Variants in XPO7 observed in about 807,000 individuals in gnomAD.
The protein encoded by XPO7 is exportin-7.
XPO7 carries 21 observed loss-of-function variants against 144.3 expected under a neutral mutation model. The ratio of observed to expected loss-of-function variants is 0.15; its 90% CI spans 0.10 to 0.21. The LOEUF (loss-of-function observed/expected upper bound fraction) is 0.21. XPO7 is among the 10% of genes least tolerant of loss of function. The pLI is 1.00. For missense variants in XPO7, 808 were observed against 1,325.8 expected (o/e 0.61, Z 6.06); for synonymous variants, 580 against 499.6 (o/e 1.16, Z -2.15).
intron 1 of XPO7, among the ~76,000 whole-genome samples, chr8:21,961,248 C>CTGGAGT (rs1563322599): frequency 6.7e-6 from 1 of 149,358 alleles, no homozygotes; most frequent in African/African-American, 2.5e-5. Context: ...CTCACTCTGT[C>CTGGAGT]ACCCAGGCTG....
intron 1 of XPO7, among the ~76,000 whole-genome samples, chr8:21,953,408 A>T (rs1811435263): frequency 6.6e-6 from 1 of 152,194 alleles, no homozygotes; most frequent in Non-Finnish European, 1.5e-5. Context: ...TAAACTTAGC[A>T]GTATGCATTT....
At chr8:21,945,101 C>T (rs929600651) in intron 1 of XPO7, among the ~76,000 whole-genome samples, 2 of 152,180 alleles carry the variant, frequency 1.3e-5, no homozygotes, top group Admixed American at 6.5e-5. Context: ...CATCATGGCC[C>T]GTTCTCAATG....
At chr8:21,947,869 G>A (rs1352853422) in intron 1 of XPO7, among the ~76,000 whole-genome samples, 1 of 152,148 alleles carries the variant, frequency 6.6e-6, no homozygotes, top group East Asian at 1.9e-4. Context: ...AGCTTCTCAA[G>A]TTGTATGTGC....
chr8:21,952,548 GTTAT>G (rs1811405998), intron 1 of XPO7, among the ~76,000 whole-genome samples: 1 of 152,096 alleles, frequency 6.6e-6, no homozygotes, highest in South Asian at 2.1e-4. Context: ...GTAACAGTAG[GTTAT>G]TTAATATGAG....
At chr8:21,987,306 T>TTC (rs779173229) in intron 14 of XPO7, 30 bp downstream of exon 14, 2 of 1,612,618 alleles carry the variant, frequency 1.2e-6, no homozygotes, top group South Asian at 2.2e-5. Context: ...CTCCCCTTAG[T>TTC]TCTCACTTCT....
At chr8:21,986,721 A>G (rs1812591152) in intron 13 of XPO7, among the ~76,000 whole-genome samples, 1 of 152,236 alleles carries the variant, frequency 6.6e-6, no homozygotes, top group African/African-American at 2.4e-5. Flanking sequence ...GCTTGAGTGT[A>G]GCAACACAAT....
At chr8:21,923,317 CAAGA>C (rs1256732576) in intron 1 of XPO7, among the ~76,000 whole-genome samples, 6 of 152,098 alleles carry the variant, frequency 3.9e-5, no homozygotes, top group African/African-American at 1.4e-4. Context: ...CACGTAGATA[CAAGA>C]AAGAATACAT....
intron 19 of XPO7, 119 bp from the exon 20 acceptor site, chr8:21,994,241 GAGA>G (rs2117389518): frequency 1.6e-6 from 1 of 610,932 alleles, no homozygotes; most frequent in Non-Finnish European, 2.9e-6. Context: ...CCGAATATTT[GAGA>G]AGGAGTATAT....
intron 1 of XPO7, among the ~76,000 whole-genome samples, chr8:21,965,477 G>T (rs1396134836): frequency 1.3e-5 from 2 of 152,188 alleles, no homozygotes; most frequent in African/African-American, 4.8e-5. Context: ...AAGAGATTAA[G>T]TGGGACCCCT....
At chr8:21,991,023 C>A in intron 18 of XPO7, 104 bp downstream of exon 18, 1 of 994,748 alleles carries the variant, frequency 1.0e-6, no homozygotes. Context: ...TCTGTTTTTT[C>A]AACAGTAACA....
At position 21,936,400 on chromosome 8, in the gene XPO7, A is replaced by G. The variant is rs118128291; in HGVS notation, c.18+16612A>G. ...TGCAGTCTTGCCCAGTATCCATGTCACTAGATTTCTGCCCTGTGAAGAATG... is the reference window on the plus strand; with the variant it reads ...TGCAGTCTTGCCCAGTATCCATGTCGCTAGATTTCTGCCCTGTGAAGAATG... On this transcript the variant is annotated intron_variant, in intron 1 of 27. Transcript: ENST00000252512. Among the ~76,000 whole-genome samples the G allele has an allele frequency of 9.0e-4, 137 of 152,286 alleles. 1 individual carries two copies. In the East Asian group the frequency reaches 0.02, roughly 22 times the overall value.
chr8:21,944,671 G>C (rs879184247), intron 1 of XPO7, among the ~76,000 whole-genome samples: 1 of 151,972 alleles, frequency 6.6e-6, no homozygotes, highest in Non-Finnish European at 1.5e-5. Context: ...GATTTGGCAG[G>C]GTTATAGGAC....
chr8:21,984,308 C>G (rs1812505030), intron 11 of XPO7, among the ~76,000 whole-genome samples: 1 of 152,074 alleles, frequency 6.6e-6, no homozygotes, highest in Non-Finnish European at 1.5e-5. Flanking sequence ...CTACAGTTTA[C>G]TATAGTCAAG....
At chr8:21,943,812 A>T (rs972696058) in intron 1 of XPO7, among the ~76,000 whole-genome samples, 6 of 152,224 alleles carry the variant, frequency 3.9e-5, no homozygotes, top group African/African-American at 1.4e-4. Flanking sequence ...CTTATTAAAC[A>T]AAGAGAAAAA....
intron 1 of XPO7, among the ~76,000 whole-genome samples, chr8:21,928,297 G>C (rs141201525): frequency 2.6e-5 from 4 of 152,154 alleles, no homozygotes; most frequent in African/African-American, 7.2e-5. Context: ...CAAGTATTCC[G>C]TTGTATGAAT....
chr8:21,971,993 A>G (rs566344373), intron 5 of XPO7, 52 bp downstream of exon 5: 2 of 1,566,936 alleles, frequency 1.3e-6, no homozygotes, highest in East Asian at 4.5e-5. Context: ...TTTTCTTAGT[A>G]TTGGTGTTTT....
chr8:21,990,792 C>A lies in XPO7; in HGVS notation c.1933-19C>A. 3.1e-6 allele frequency: 5 copies of A among 1,612,378 alleles called. No homozygotes were observed. Among genetic ancestry groups the A allele is most frequent in the Non-Finnish European group, 4.2e-6 (5 of 1,178,746 alleles). On this transcript the variant is annotated intron_variant, in intron 17 of 27. Coordinates refer to ENST00000252512, the MANE Select transcript of XPO7 (RefSeq NM_015024.5). ...TAACTCATGTTTTTACCTTTAACTT[C>A]TTTTCTTTTTTTCAATAGAGCGAGC...
rs1813286458 is a variant in XPO7 at position 22,005,203 on chromosome 8, G to A, written c.*115G>A. The A allele has an allele frequency of 1.2e-6, 1 of 852,824 alleles. No homozygotes were observed. The highest frequency in any genetic ancestry group is 2.6e-5 in the Admixed American group (1 of 38,816). The allele number at this position is 852,824 out of a possible 1,614,324, so 52.8% of individuals were successfully genotyped here. ...CCTGGCTCTTTTCTCCAGGGGTGTG[G>A]GGAAAATGGCAAAGGTCAACTAGCT... is the stretch of plus-strand genomic sequence containing the variant. On this transcript the variant is annotated 3_prime_UTR_variant, in exon 28 of 28. Coordinates refer to ENST00000252512, the MANE Select transcript of XPO7 (RefSeq NM_015024.5).
At chr8:21,958,054 G>A (rs566742019) in intron 1 of XPO7, among the ~76,000 whole-genome samples, 46 of 152,206 alleles carry the variant, frequency 3.0e-4, no homozygotes, top group African/African-American at 8.7e-4. Context: ...TTAAGCAAAC[G>A]TTTGAGACAG....
Sources: gnomAD v4.1 joint callset for allele counts (sites outside exome capture counted in the v4.1 genomes callset) on GRCh38, gnomAD v4.1.1 for gene constraint, MANE v1.5 for transcripts, NCBI Gene and HGNC (gene_info 2026-07-23, HGNC 2026-07-21) for gene names.